CDC27: variants seen among roughly 807,000 people sequenced by gnomAD.
CDC27 encodes cell division cycle protein 27 homolog.
In CDC27, 27 loss-of-function variants were observed where a neutral mutation model predicts 109.7. The observed-to-expected ratio is 0.25, with a 90% confidence interval of 0.18 to 0.34. The LOEUF (loss-of-function observed/expected upper bound fraction) is 0.34. Ranked by LOEUF, CDC27 falls within the 10% of genes least tolerant of loss-of-function variation. The pLI, the probability that CDC27 is intolerant of heterozygous loss-of-function variation, is 1.00. For missense variants in CDC27, 579 were observed against 960.2 expected (o/e 0.60, Z 5.25); for synonymous variants, 266 against 333.9 (o/e 0.80, Z 2.22).
At position 47,142,022 on chromosome 17, in the gene CDC27, C is replaced by T; in HGVS notation, c.1382G>A (p.Gly461Asp). 6.3e-7 allele frequency: 1 copy of T among 1,584,952 alleles called. No individual in the cohort carries two copies. Among genetic ancestry groups the T allele is most frequent in the Non-Finnish European group, 8.6e-7 (1 of 1,168,548 alleles). Residue 461 changes from glycine to aspartate, a missense_variant, in exon 12 of 19, where the codon GGT becomes GAT. By Grantham distance (94) the Gly-to-Asp change is moderately conservative. This residue lies in a region of CDC27 where 58 missense variants were observed against 116.6 expected (regional missense o/e 0.50). Transcript: ENST00000066544. ...CATTTCACGAAGAAGGCTCATCAAACCTTCTAGGAGAAAACAACATAGTAA... is the reference window on the plus strand; with the variant it reads ...CATTTCACGAAGAAGGCTCATCAAATCTTCTAGGAGAAAACAACATAGTAA... ...AFNLQKAAAE[G>D]LMSLLREMGK... is the part of the protein sequence containing the mutation.
At chr17:47,133,438 G>GTTT (rs200764837) in intron 14 of CDC27, among the ~76,000 whole-genome samples, 2 of 134,100 alleles carry the variant, frequency 1.5e-5, no homozygotes, top group Non-Finnish European at 3.2e-5. Flanking sequence ...GTGCCAAGCT[G>GTTT]TTTTTTTGTT....
intron 2 of CDC27, among the ~76,000 whole-genome samples, chr17:47,180,766 T>C (rs1325508604): frequency 2.0e-5 from 3 of 152,004 alleles, no homozygotes; most frequent in African/African-American, 7.2e-5. Context: ...AACCATCTCA[T>C]TGAATTTTTA....
intron 13 of CDC27, among the ~76,000 whole-genome samples, chr17:47,138,018 T>G (rs767417321): frequency 3.3e-5 from 5 of 151,994 alleles, no homozygotes; most frequent in Non-Finnish European, 5.9e-5. Context: ...GAGGCTGGTC[T>G]TGGAACTCCT....
chr17:47,147,844 T>C (rs2063019309), intron 9 of CDC27, among the ~76,000 whole-genome samples: 1 of 139,430 alleles, frequency 7.2e-6, no homozygotes, highest in Admixed American at 7.8e-5. Flanking sequence ...GAGGCTACAG[T>C]GAGCCATAGT....
chr17:47,132,173 A>G (rs1476514053), intron 15 of CDC27, 84 bp downstream of exon 15: 1 of 730,090 alleles, frequency 1.4e-6, no homozygotes, highest in African/African-American at 1.8e-5. Flanking sequence ...AAAAGGACCA[A>G]TTTTTATCAC....
chr17:47,157,410 T>C, intron 5 of CDC27, 26 bp from the exon 6 acceptor site: 2 of 1,520,034 alleles, frequency 1.3e-6, no homozygotes, highest in South Asian at 1.2e-5. Context: ...AAAAAAAAGT[T>C]TGTCTCTGAG....
At chr17:47,143,433 CGT>C (rs1234186762) in intron 10 of CDC27, among the ~76,000 whole-genome samples, 2 of 151,946 alleles carry the variant, frequency 1.3e-5, no homozygotes, top group African/African-American at 2.4e-5. Context: ...TATATAAACC[CGT>C]GTGTGTGTAT....
intron 4 of CDC27, among the ~76,000 whole-genome samples, chr17:47,164,034 G>T (rs1292088111): frequency 6.6e-6 from 1 of 152,194 alleles, no homozygotes; most frequent in Non-Finnish European, 1.5e-5. Flanking sequence ...AAAATGCTGG[G>T]ATTATAGGTG....
chr17:47,183,751 C>T (rs2064328132), intron 1 of CDC27, among the ~76,000 whole-genome samples: 1 of 152,118 alleles, frequency 6.6e-6, no homozygotes, highest in South Asian at 2.1e-4. Flanking sequence ...TGTTTTTGCT[C>T]ATTATTATAC....
chr17:47,125,876 C>T (rs536879516), intron 16 of CDC27, among the ~76,000 whole-genome samples: 38 of 152,280 alleles, frequency 2.5e-4, no homozygotes, highest in African/African-American at 9.1e-4. Context: ...ATGACACACT[C>T]CAATCCTCCT....
chr17:47,141,997 C>A lies in CDC27; in HGVS notation c.1407G>T (p.Met469Ile). The A allele has an allele frequency of 6.3e-7, 1 of 1,594,432 alleles. No homozygotes were observed. The highest frequency in any genetic ancestry group is 8.5e-7 in the Non-Finnish European group (1 of 1,172,852). The change falls in exon 12 of 19, where the codon ATG (methionine) becomes ATT (isoleucine). Residue 469 changes from methionine to isoleucine, a missense_variant. Coordinates refer to ENST00000066544, the MANE Select transcript of CDC27 (RefSeq NM_001256.6). ...AEGLMSLLRE[M>I]GKGYLALCSY... ...AACACAAAGCTAAATAACCTTTCCC[C>A]ATTTCACGAAGAAGGCTCATCAAAC...
intron 12 of CDC27, among the ~76,000 whole-genome samples, chr17:47,139,192 T>A (rs1454521435): frequency 6.6e-6 from 1 of 151,822 alleles, no homozygotes; most frequent in Admixed American, 6.6e-5. Context: ...AAAGCTACAA[T>A]TCAAAAGAAA....
intron 4 of CDC27, among the ~76,000 whole-genome samples, chr17:47,166,357 G>A (rs2063646463): frequency 6.6e-6 from 1 of 152,080 alleles, no homozygotes; most frequent in African/African-American, 2.4e-5. Flanking sequence ...TTAAGAAATT[G>A]GCCCATTTCA....
At chr17:47,132,118 A>G in intron 15 of CDC27, 139 bp downstream of exon 15, 1 of 532,994 alleles carries the variant, frequency 1.9e-6, no homozygotes, top group East Asian at 3.1e-5. Context: ...CCAAATGGGT[A>G]GTATTTTTGG....
intron 15 of CDC27, among the ~76,000 whole-genome samples, chr17:47,131,659 A>C (rs989111176): frequency 1.3e-5 from 2 of 151,186 alleles, no homozygotes; most frequent in African/African-American, 2.4e-5. Flanking sequence ...TTCTCCTGTT[A>C]AAGTAAAATT....
chr17:47,163,572 T>C (rs941568250), intron 4 of CDC27, among the ~76,000 whole-genome samples: 1 of 152,114 alleles, frequency 6.6e-6, no homozygotes, highest in Non-Finnish European at 1.5e-5. Flanking sequence ...CCCATCCATA[T>C]TCCTCTGAAG....
chr17:47,154,244 T>C (rs2063232258), intron 8 of CDC27, among the ~76,000 whole-genome samples: 1 of 152,136 alleles, frequency 6.6e-6, no homozygotes, highest in Admixed American at 6.6e-5. Flanking sequence ...AAATTTTTTT[T>C]CATATAATTA....
intron 2 of CDC27, among the ~76,000 whole-genome samples, chr17:47,179,202 A>G (rs562283941): frequency 6.6e-6 from 1 of 152,346 alleles, no homozygotes; most frequent in African/African-American, 2.4e-5. Flanking sequence ...GACTTACAGA[A>G]GATCCTACTG....
intron 1 of CDC27, among the ~76,000 whole-genome samples, chr17:47,183,518 A>G (rs1347932958): frequency 6.6e-6 from 1 of 152,210 alleles, no homozygotes; most frequent in East Asian, 1.9e-4. Context: ...CTTTGTTTAT[A>G]TAGCTTAAAT....
Sources: allele counts gnomAD v4.1 joint callset (sites outside exome capture counted in the v4.1 genomes callset), GRCh38; gene constraint gnomAD v4.1.1; regional missense constraint gnomAD v4.1.1; transcripts MANE v1.5; gene names NCBI Gene and HGNC (gene_info 2026-07-23, HGNC 2026-07-21).